The following APLP2 variants were observed in gnomAD, a reference collection of about 807,000 sequenced individuals.
The protein encoded by APLP2 is amyloid beta precursor like protein 2.
A neutral mutation model predicts 89.9 loss-of-function variants in APLP2; 53 were observed. The observed-to-expected ratio is 0.59, with a 90% CI of 0.47 to 0.74. APLP2 has a LOEUF of 0.74. Ranked by LOEUF, APLP2 falls within the 30% of genes least tolerant of loss-of-function variation. The pLI, the probability that APLP2 is intolerant of heterozygous loss-of-function variation, is 0.00. For missense variants in APLP2, 973 were observed against 975.9 expected, an observed-to-expected ratio of 1.00 and a Z score of 0.04; for synonymous variants, 372 against 348.6, an observed-to-expected ratio of 1.07 and a Z score of -0.75.
intron 9 of APLP2, among the ~76,000 whole-genome samples, chr11:130,128,734 CTTTTTTTAT>C (rs1243421587): frequency 6.6e-6 from 1 of 152,180 alleles, no homozygotes. Flanking sequence ...GGACAGTGTT[CTTTTTTTAT>C]AGTGCATATT....
chr11:130,078,983 T>G (rs1200854413), intron 1 of APLP2, among the ~76,000 whole-genome samples: 1 of 152,174 alleles, frequency 6.6e-6, no homozygotes, highest in Non-Finnish European at 1.5e-5. Flanking sequence ...CAGCTTCTTG[T>G]TAGAATTTTG....
chr11:130,127,696 T>C, intron 8 of APLP2, 70 bp from the exon 9 acceptor site: 1 of 1,307,436 alleles, frequency 7.6e-7, no homozygotes, highest in South Asian at 1.2e-5. Flanking sequence ...TCTGACAGTG[T>C]TTTTAGCAAA....
intron 1 of APLP2, among the ~76,000 whole-genome samples, chr11:130,072,776 C>G (rs1485693212): frequency 1.3e-5 from 2 of 152,136 alleles, no homozygotes; most frequent in Non-Finnish European, 2.9e-5. Context: ...AGCGCCCGGC[C>G]CGTTATTTTT....
At chr11:130,125,135 C>T (rs972362519) in intron 7 of APLP2, among the ~76,000 whole-genome samples, 2 of 152,178 alleles carry the variant, frequency 1.3e-5, no homozygotes, top group African/African-American at 4.8e-5. Context: ...CCAGTGGGAG[C>T]GTTTTTGTTC....
chr11:130,085,889 G>C (rs746251435), intron 1 of APLP2, among the ~76,000 whole-genome samples: 3 of 152,030 alleles, frequency 2.0e-5, no homozygotes, highest in Non-Finnish European at 4.4e-5. Flanking sequence ...ATTCCTTTTC[G>C]AGACTGAGTA....
chr11:130,092,945 A>G (rs1443156673), intron 1 of APLP2, among the ~76,000 whole-genome samples: 2 of 152,162 alleles, frequency 1.3e-5, no homozygotes, highest in African/African-American at 4.8e-5. Flanking sequence ...TCTGAGAGAT[A>G]GAAAGCACCA....
Position 130,123,658 on chromosome 11 carries a change from G to A in APLP2, c.969G>A (p.Met323Ile), listed in dbSNP as rs117994299. 321 of 1,614,270 alleles carry A rather than the reference G, an allele frequency of 2.0e-4. 2 individuals are homozygous for A. In the East Asian group the frequency reaches 6.3e-3, roughly 32 times the overall value. The change falls in exon 7 of 17, where the codon ATG becomes ATA. Residue 323 changes from methionine to isoleucine, a missense_variant. By Grantham distance (10) the Met-to-Ile change is conservative. Coordinates refer to ENST00000338167, the MANE Select transcript of APLP2 (RefSeq NM_001142276.2). This position sits in a 1 kb window ranked among gnomAD's most constrained non-coding sequence, Gnocchi z 4.0. ...EAMTGPCRAVMPRWYFDLSKG... is the reference protein window; with the variant it reads ...EAMTGPCRAVIPRWYFDLSKG... ...TGACGGGGCCCTGCCGGGCCGTGAT[G>A]CCTCGTTGGTACTTCGACCTCTCCA...
chr11:130,087,901 C>A (rs576747720), intron 1 of APLP2, among the ~76,000 whole-genome samples: 3 of 152,104 alleles, frequency 2.0e-5, no homozygotes, highest in Admixed American at 1.3e-4. Flanking sequence ...GTCATTGAAA[C>A]TCAATGTTGG....
intron 1 of APLP2, among the ~76,000 whole-genome samples, chr11:130,099,941 A>G (rs965283355): frequency 1.3e-5 from 2 of 152,192 alleles, no homozygotes; most frequent in African/African-American, 4.8e-5. Flanking sequence ...TCGAATCCTC[A>G]CAACAGGCCT....
At chr11:130,108,539 TAAA>T (rs1177946337) in intron 1 of APLP2, 1 of 152,134 alleles carries the variant, frequency 6.6e-6, no homozygotes, top group East Asian at 1.9e-4. Flanking sequence ...TGGCAGTCAT[TAAA>T]AAGTCAGGAA....
chr11:130,078,219 T>C (rs1008385639), intron 1 of APLP2, among the ~76,000 whole-genome samples: 1 of 152,026 alleles, frequency 6.6e-6, no homozygotes, highest in African/African-American at 2.4e-5. Context: ...TATATTTTTA[T>C]GCATTTGGTC....
At chr11:130,105,683 TC>T (rs1947610661) in intron 1 of APLP2, among the ~76,000 whole-genome samples, 1 of 147,564 alleles carries the variant, frequency 6.8e-6, no homozygotes, top group East Asian at 2.0e-4. Flanking sequence ...TCTCTCTCTC[TC>T]CCTGTCTTTC....
rs142841183 is a variant in APLP2, at chr11:130,121,775, G to T, written c.678G>T (p.Glu226Asp). Residue 226 changes from glutamate to aspartate, a missense_variant, in exon 5 of 17, where the codon GAG becomes GAT. Glu to Asp is a conservative substitution (Grantham distance 45, BLOSUM62 2). Transcript: ENST00000338167. ...EEEEDEEEEEEEDEEEDYDVY... is the reference protein window; with the variant it reads ...EEEEDEEEEEDEDEEEDYDVY... ...AGGAAGATGAAGAGGAAGAGGAAGA[G>T]GAAGATGAAGAGGAAGACTATGATG... The T allele has an allele frequency of 1.7e-5, 25 of 1,468,846 alleles. No individual in the cohort carries two copies. The highest frequency in any genetic ancestry group is 1.4e-4 in the African/African-American group (9 of 64,154). The allele number at this position is 1,468,846 out of a possible 1,614,324, so 91.0% of individuals were successfully genotyped here.
intron 1 of APLP2, among the ~76,000 whole-genome samples, chr11:130,085,471 A>G (rs1295737341): frequency 6.6e-6 from 1 of 152,044 alleles, no homozygotes; most frequent in East Asian, 1.9e-4. Context: ...ACCAAAAAAC[A>G]AAACAAAACA....
At position 130,123,622 on chromosome 11, in the gene APLP2, C is replaced by G; in HGVS notation, c.933C>G (p.Ser311=). The G allele has an allele frequency of 6.2e-7, 1 of 1,613,730 alleles. No individual in the cohort carries two copies. The highest frequency in any genetic ancestry group is 1.1e-5 in the South Asian group (1 of 91,032). Residue 311 remains serine (S), a synonymous_variant, in exon 7 of 17, where the codon TCC becomes TCG. Transcript: ENST00000338167. The surrounding 1 kb of genome is among the most constrained non-coding windows in gnomAD (Gnocchi z 4.0). ...ACCATTTTCACACAGCTGTCTGCTCCCAGGAGGCGATGACGGGGCCCTGCC... is the reference window on the plus strand; with the variant it reads ...ACCATTTTCACACAGCTGTCTGCTCGCAGGAGGCGATGACGGGGCCCTGCC... The part of the protein sequence containing the change: ...EITHDVKAVC[S]QEAMTGPCRA...
intron 13 of APLP2, chr11:130,139,010 T>TA (rs1308679962): frequency 6.6e-6 from 1 of 152,150 alleles, no homozygotes; most frequent in Non-Finnish European, 1.5e-5. Context: ...AGCTCAGAAT[T>TA]ACAGTTGATT....
In APLP2 at chr11:130,141,316, C is replaced by G; in HGVS notation, c.1924-182C>G. On this transcript the variant is annotated intron_variant, in intron 14 of 16. Coordinates refer to ENST00000338167, the MANE Select transcript of APLP2 (RefSeq NM_001142276.2). The surrounding 1 kb of genome is among the most constrained non-coding windows in gnomAD (Gnocchi z 4.2). ...AATATAGTCTTCCCTCCATACCTGC[C>G]CCTTCATTAGGGGTTTGGGGAGTGG... 1.7e-6 allele frequency: 1 copy of G among 601,832 alleles called. No individual in the cohort carries two copies. Among genetic ancestry groups the G allele is most frequent in the Non-Finnish European group, 3.0e-6 (1 of 335,798 alleles). 37.3% of individuals were successfully genotyped at this position (601,832 alleles called of 1,614,324 possible).
intron 1 of APLP2, among the ~76,000 whole-genome samples, chr11:130,078,302 A>G (rs1225762089): frequency 6.6e-6 from 1 of 151,950 alleles, no homozygotes; most frequent in Non-Finnish European, 1.5e-5. Flanking sequence ...CCGTTGCTGC[A>G]TAGTACTCCA....
Position 130,105,228 on chromosome 11 carries a change from C to T in APLP2, c.106-4201C>T, listed in dbSNP as rs956549210. On this transcript the variant is annotated intron_variant, in intron 1 of 16. Transcript: ENST00000338167. ...AAGAGTTTGAGACCAGCGTGGGCAA[C>T]ACAATGAGACCCCATCTCTACCAAA... Among the ~76,000 whole-genome samples, 16 of 152,314 alleles carry T rather than the reference C, an allele frequency of 1.1e-4. No individual in the cohort carries two copies. In the Middle Eastern group the frequency reaches 0.01, roughly 97 times the overall value.
Sources: gnomAD v4.1 joint callset for allele counts (sites outside exome capture counted in the v4.1 genomes callset) on GRCh38, gnomAD v4.1.1 for gene constraint, Gnocchi (gnomAD v3.1) non-coding constraint, MANE v1.5 for transcripts, NCBI Gene and HGNC (gene_info 2026-07-23, HGNC 2026-07-21) for gene names.